PIP5K1C: variants seen among roughly 807,000 people sequenced by gnomAD.
PIP5K1C encodes the protein phosphatidylinositol 4-phosphate 5-kinase type-1 gamma.
A neutral mutation model predicts 80.1 loss-of-function variants in PIP5K1C; 45 were observed. The ratio of observed to expected loss-of-function variants is 0.56; its 90% confidence interval spans 0.44 to 0.72. PIP5K1C has a LOEUF of 0.72. Among genes scored for constraint, PIP5K1C ranks in the 30% least tolerant of loss-of-function variants. The pLI is 0.00. For synonymous variants in PIP5K1C, 498 were observed against 420.1 expected (o/e 1.19, Z -2.27); for missense variants, 753 against 954.6 (o/e 0.79, Z 2.78).
chr19:3,633,175 A>G lies in PIP5K1C; in HGVS notation c.2005-6T>C, dbSNP rs544301994. On this transcript the variant is annotated splice_region_variant and splice_polypyrimidine_tract_variant and intron_variant, in intron 17 of 17. Transcript: ENST00000335312. The stretch of plus-strand genomic sequence containing the variant: ...CGGGGGCTGCATAGAAATTACTGCA[A>G]GAGCAAGAGGACAGGTGAAGGTGGG... 1.2e-5 allele frequency: 9 copies of G among 768,080 alleles called. No individual in the cohort carries two copies. The highest frequency in any genetic ancestry group is 6.8e-5 in the African/African-American group (4 of 59,004). 47.6% of individuals were successfully genotyped at this position (768,080 alleles called of 1,614,324 possible). A position where few individuals can be genotyped will look rare whatever the true frequency, so the allele number is the denominator to read the frequency against.
At chr19:3,691,048 C>T (rs2035933034) in intron 1 of PIP5K1C, among the ~76,000 whole-genome samples, 2 of 152,270 alleles carry the variant, frequency 1.3e-5, no homozygotes, top group East Asian at 1.9e-4. Flanking sequence ...TCCTGTGTGG[C>T]GAGTCCCTTC....
intron 5 of PIP5K1C, among the ~76,000 whole-genome samples, chr19:3,660,324 G>A (rs763907249): frequency 7.9e-5 from 12 of 152,012 alleles, no homozygotes; most frequent in South Asian, 6.2e-4. Context: ...AGCTTACAGT[G>A]AGCCGAGATC....
At chr19:3,689,353 G>C (rs1406929269) in intron 1 of PIP5K1C, among the ~76,000 whole-genome samples, 1 of 152,138 alleles carries the variant, frequency 6.6e-6, no homozygotes, top group East Asian at 1.9e-4. Flanking sequence ...GCTTCACAAA[G>C]GAACTACCAC....
At chr19:3,699,567 G>A (rs2036232518) in intron 1 of PIP5K1C, among the ~76,000 whole-genome samples, 2 of 152,182 alleles carry the variant, frequency 1.3e-5, no homozygotes, top group South Asian at 4.1e-4. Flanking sequence ...TTCCGATTTG[G>A]GAGCTTGTGA....
Position 3,630,856 on chromosome 19 carries a change from T to C in PIP5K1C, c.*2311A>G, listed in dbSNP as rs1233740091. 6.6e-6 allele frequency: 1 copy of C among 151,936 alleles called. No individual in the cohort carries two copies. The highest frequency in any genetic ancestry group is 2.4e-5 in the African/African-American group (1 of 41,316). The allele number at this position is 151,936 out of a possible 1,614,324, so 9.4% of individuals were successfully genotyped here. On this transcript the variant is annotated 3_prime_UTR_variant, in exon 18 of 18. Transcript: ENST00000335312. ...ACTTCTATCATGGGGGACAGCGGGG[T>C]GGGTCCAGCAGCCTCCCTCGCGGGG...
chr19:3,656,696 G>A (rs1046187018), intron 5 of PIP5K1C, 139 bp from the exon 6 acceptor site: 3 of 1,006,344 alleles, frequency 3.0e-6, no homozygotes, highest in Non-Finnish European at 4.5e-6. Context: ...GGCTCAGAGA[G>A]GGCGAGAGAC....
At chr19:3,689,251 G>T (rs1441422727) in intron 1 of PIP5K1C, among the ~76,000 whole-genome samples, 1 of 152,164 alleles carries the variant, frequency 6.6e-6, no homozygotes, top group East Asian at 1.9e-4. Flanking sequence ...TCGACTGGCT[G>T]ATGGAAACAT....
intron 1 of PIP5K1C, among the ~76,000 whole-genome samples, chr19:3,681,256 A>C (rs1317218427): frequency 3.4e-5 from 5 of 147,668 alleles, no homozygotes; most frequent in Admixed American, 1.3e-4. Context: ...TTTGAGATAG[A>C]GTCTCGTTCT....
intron 15 of PIP5K1C, among the ~76,000 whole-genome samples, chr19:3,640,530 TAAC>T (rs1363022578): frequency 6.6e-6 from 1 of 151,946 alleles, no homozygotes; most frequent in Non-Finnish European, 1.5e-5. Flanking sequence ...AAAATAATAA[TAAC>T]AGCAGCTGAC....
At chr19:3,673,161 C>T (rs147650886) in intron 1 of PIP5K1C, among the ~76,000 whole-genome samples, 12 of 152,152 alleles carry the variant, frequency 7.9e-5, no homozygotes, top group Non-Finnish European at 1.2e-4. Context: ...TCCAGCCACA[C>T]GGGCCCTCGC....
Position 3,638,919 on chromosome 19 carries a change from C to T in PIP5K1C, c.1885G>A (p.Asp629Asn). ...EEGAPASQAS[D>N]EEDAPATDIY... ...TCGGTGGCGGGCGCGTCCTCCTCGTCCGAGGCCTGGCTGGCAGGTGCGCCC... is the reference window on the plus strand; with the variant it reads ...TCGGTGGCGGGCGCGTCCTCCTCGTTCGAGGCCTGGCTGGCAGGTGCGCCC... Residue 629 changes from aspartate to asparagine, a missense_variant, in exon 16 of 18, where the codon GAC becomes AAC. By Grantham distance (23) the Asp-to-Asn change is conservative. Coordinates refer to ENST00000335312, the MANE Select transcript of PIP5K1C (RefSeq NM_012398.3). 1 of 1,612,790 alleles carries T rather than the reference C, an allele frequency of 6.2e-7. No homozygotes were observed. The highest frequency in any genetic ancestry group is 8.5e-7 in the Non-Finnish European group (1 of 1,179,930).
rs941712857 is a variant in PIP5K1C at position 3,661,099 on chromosome 19, G to A, written c.351-16C>T. The A allele has an allele frequency of 1.6e-5, 26 of 1,589,668 alleles. No individual in the cohort carries two copies. The highest frequency in any genetic ancestry group is 2.2e-5 in the East Asian group (1 of 44,672). ...GCTGCCTTCGCTGTGGAGGAAGGAC[G>A]GGAGGAAACCTGTGAGGGGTGGTGG... On this transcript the variant is annotated splice_polypyrimidine_tract_variant and intron_variant, in intron 4 of 17. Coordinates refer to ENST00000335312, the MANE Select transcript of PIP5K1C (RefSeq NM_012398.3).
rs1313441435 is a variant in PIP5K1C at position 3,647,487 on chromosome 19, G to T, written c.1212-101C>A. The T allele has an allele frequency of 9.9e-6, 10 of 1,014,928 alleles. No homozygotes were observed. In the Admixed American group the frequency reaches 9.9e-5, roughly 10 times the overall value. 62.9% of individuals were successfully genotyped at this position (1,014,928 alleles called of 1,614,324 possible). On this transcript the variant is annotated intron_variant, in intron 9 of 17. Coordinates refer to ENST00000335312, the MANE Select transcript of PIP5K1C (RefSeq NM_012398.3). ...TGCACCCCCCAGGACACTGGGCCAT[G>T]GCCTCAAGCAGTCGTGGCTGTCAAA...
At chr19:3,633,300 A>AG in intron 17 of PIP5K1C, 131 bp from the exon 18 acceptor site, 1 of 675,434 alleles carries the variant, frequency 1.5e-6, no homozygotes, top group South Asian at 1.8e-5. Context: ...AGAGCCAGAG[A>AG]GCCCAGGGTG....
intron 1 of PIP5K1C, among the ~76,000 whole-genome samples, chr19:3,677,554 G>C: frequency 6.6e-6 from 1 of 151,664 alleles, no homozygotes; most frequent in Non-Finnish European, 1.5e-5. Context: ...CTGCACTCCA[G>C]CCTGGGCAAC....
intron 16 of PIP5K1C, chr19:3,638,077 G>T (rs1450701482): frequency 4.2e-6 from 6 of 1,438,598 alleles, no homozygotes. Flanking sequence ...CTAAGGCCTG[G>T]TGCCCGTGCC....
intron 1 of PIP5K1C, among the ~76,000 whole-genome samples, chr19:3,699,686 T>C (rs2036236357): frequency 6.6e-6 from 1 of 151,932 alleles, no homozygotes; most frequent in Admixed American, 6.6e-5. Flanking sequence ...AGGAAGCAGC[T>C]AAAGGGGGCA....
At position 3,652,437 on chromosome 19, in the gene PIP5K1C, A is replaced by C. The variant is rs539991971; in HGVS notation, c.922-406T>G. Among the ~76,000 whole-genome samples the C allele has an allele frequency of 9.2e-5, 14 of 152,224 alleles. No individual in the cohort carries two copies. In the East Asian group the frequency reaches 2.7e-3, roughly 29 times the overall value. ...GCCCAGGGTAGCCTCAAGGCCCCTG[A>C]GTGGTCTGGGCGGTTTTCTGGGGGT... On this transcript the variant is annotated intron_variant, in intron 7 of 17. Coordinates refer to ENST00000335312, the MANE Select transcript of PIP5K1C (RefSeq NM_012398.3).
chr19:3,641,155 C>A (rs1476818487), intron 15 of PIP5K1C, among the ~76,000 whole-genome samples: 1 of 151,858 alleles, frequency 6.6e-6, no homozygotes, highest in Non-Finnish European at 1.5e-5. Flanking sequence ...ACGGAGGCTG[C>A]AGTGAGCCAA....
Sources: gnomAD v4.1 joint callset for allele counts (sites outside exome capture counted in the v4.1 genomes callset) on GRCh38, gnomAD v4.1.1 for gene constraint, MANE v1.5 for transcripts, NCBI Gene and HGNC (gene_info 2026-07-23, HGNC 2026-07-21) for gene names.